RBM25: variants seen among roughly 807,000 people sequenced by gnomAD.
RBM25 encodes the protein RNA binding motif protein 25.
Under a neutral mutation model 120.7 loss-of-function variants are expected in RBM25, and 19 were observed. That is an observed-to-expected ratio of 0.16 (90% CI 0.11 to 0.23). The LOEUF is 0.23. Ranked by LOEUF, RBM25 falls within the 10% of genes least tolerant of loss-of-function variation. The pLI, the probability that RBM25 is intolerant of heterozygous loss-of-function variation, is 1.00. For missense variants in RBM25, 605 were observed against 1,041.5 expected, an observed-to-expected ratio of 0.58 and a Z score of 5.77; for synonymous variants, 390 against 326.7, an observed-to-expected ratio of 1.19 and a Z score of -2.09.
intron 16 of RBM25, 103 bp from the exon 17 acceptor site, chr14:73,112,049 T>G (rs1281219525): frequency 4.2e-6 from 5 of 1,186,104 alleles, no homozygotes; most frequent in Non-Finnish European, 6.1e-6. Flanking sequence ...GTTCAACTTG[T>G]GAAATAACAT....
intron 1 of RBM25, among the ~76,000 whole-genome samples, chr14:73,071,369 T>A (rs185829779): frequency 1.3e-3 from 203 of 152,240 alleles, no homozygotes; most frequent in Admixed American, 0.012. Flanking sequence ...AACCTCAAAA[T>A]TTTTTTCTTC....
At chr14:73,072,682 GT>G (rs1377392199) in intron 2 of RBM25, among the ~76,000 whole-genome samples, 1 of 152,170 alleles carries the variant, frequency 6.6e-6, no homozygotes, top group Admixed American at 6.6e-5. Context: ...GGGTGTGGTG[GT>G]GCGTGTCTGT....
chr14:73,091,400 G>C (rs1895810373), intron 6 of RBM25, among the ~76,000 whole-genome samples: 1 of 152,102 alleles, frequency 6.6e-6, no homozygotes, highest in South Asian at 2.1e-4. Flanking sequence ...TTTTTGTTGA[G>C]ATGAAGTTTC....
At chr14:73,110,032 G>A (rs1481613626) in intron 14 of RBM25, among the ~76,000 whole-genome samples, 1 of 151,394 alleles carries the variant, frequency 6.6e-6, no homozygotes, top group Non-Finnish European at 1.5e-5. Context: ...TTACAGGCAC[G>A]TGCCACCACT....
intron 18 of RBM25, among the ~76,000 whole-genome samples, chr14:73,116,009 C>G (rs1172618937): frequency 2.0e-5 from 3 of 151,896 alleles, no homozygotes; most frequent in Non-Finnish European, 4.4e-5. Flanking sequence ...AGACTAGATA[C>G]TTGCCAGATA....
chr14:73,105,038 T>TACACAC (rs57281649), intron 10 of RBM25, among the ~76,000 whole-genome samples: 3,040 of 141,178 alleles, frequency 0.022, 68 homozygotes, highest in African/African-American at 0.055. Context: ...ACATATTAAA[T>TACACAC]ACACACACAC....
intron 6 of RBM25, among the ~76,000 whole-genome samples, chr14:73,094,015 G>A (rs1216264816): frequency 2.8e-5 from 4 of 141,456 alleles, no homozygotes; most frequent in Non-Finnish European, 4.6e-5. Flanking sequence ...GCAGTGGCGC[G>A]ATCTCAGCTC....
At chr14:73,119,511 C>T (rs922590748) in intron 18 of RBM25, among the ~76,000 whole-genome samples, 10 of 152,060 alleles carry the variant, frequency 6.6e-5, no homozygotes, top group Non-Finnish European at 1.3e-4. Context: ...GTGATCCGCT[C>T]GCTTCGGCCT....
intron 8 of RBM25, 74 bp from the exon 9 acceptor site, chr14:73,099,593 T>A: frequency 3.2e-6 from 5 of 1,585,880 alleles, no homozygotes; most frequent in Non-Finnish European, 4.3e-6. Flanking sequence ...CTATACAGAA[T>A]ATCTAACCTT....
intron 2 of RBM25, among the ~76,000 whole-genome samples, 192 bp downstream of exon 2, chr14:73,071,939 T>G (rs745394057): frequency 4.7e-4 from 71 of 149,506 alleles, no homozygotes; most frequent in Admixed American, 9.3e-4. Context: ...CATCTGGAAA[T>G]TTTTTTTTTT....
At chr14:73,099,590 G>C in intron 8 of RBM25, 77 bp from the exon 9 acceptor site, 1 of 1,586,116 alleles carries the variant, frequency 6.3e-7, no homozygotes, top group African/African-American at 1.4e-5. Context: ...GACCTATACA[G>C]AATATCTAAC....
chr14:73,072,828 T>C (rs780741498), intron 2 of RBM25, among the ~76,000 whole-genome samples: 1 of 152,212 alleles, frequency 6.6e-6, no homozygotes, highest in Admixed American at 6.6e-5. Flanking sequence ...TTAAGAACAT[T>C]GCAGTTGGCT....
At chr14:73,094,629 C>T (rs1389716851) in intron 6 of RBM25, among the ~76,000 whole-genome samples, 2 of 151,972 alleles carry the variant, frequency 1.3e-5, no homozygotes, top group African/African-American at 4.8e-5. Flanking sequence ...GACGGGGTTT[C>T]ACCATGTTAG....
chr14:73,090,210 C>G (rs1049693466), intron 6 of RBM25, among the ~76,000 whole-genome samples: 2 of 152,046 alleles, frequency 1.3e-5, no homozygotes, highest in Non-Finnish European at 2.9e-5. Context: ...GCCACCACCC[C>G]CAGCTAATTT....
intron 18 of RBM25, among the ~76,000 whole-genome samples, chr14:73,116,298 A>G (rs1255872360): frequency 1.3e-5 from 2 of 152,198 alleles, no homozygotes; most frequent in Admixed American, 6.5e-5. Flanking sequence ...TGAGTAAGGA[A>G]GGAAAAATCA....
At chr14:73,110,498 G>A (rs1337406205) in intron 14 of RBM25, among the ~76,000 whole-genome samples, 1 of 151,046 alleles carries the variant, frequency 6.6e-6, no homozygotes, top group African/African-American at 2.4e-5. Flanking sequence ...GATTCTGCAA[G>A]GCTCACTGCA....
At chr14:73,080,867 C>G (rs1399140041) in intron 4 of RBM25, among the ~76,000 whole-genome samples, 1 of 150,282 alleles carries the variant, frequency 6.7e-6, no homozygotes, top group African/African-American at 2.5e-5. Context: ...CTCTGTTATC[C>G]AGGCTGGAGT....
rs1037500292 is a variant in RBM25 at position 73,121,116 on chromosome 14, C to G, written c.*1311C>G. The G allele has an allele frequency of 6.6e-6, 1 of 152,338 alleles. No homozygotes were observed. The highest frequency in any genetic ancestry group is 2.4e-5 in the African/African-American group (1 of 41,342). 9.4% of individuals were successfully genotyped at this position (152,338 alleles called of 1,614,324 possible). On this transcript the variant is annotated 3_prime_UTR_variant, in exon 19 of 19. Coordinates refer to ENST00000261973, the MANE Select transcript of RBM25 (RefSeq NM_021239.3). ...TTCACACAAATTAGATGCAACTGTTCCCATGTCTGAGTACTTATTTAAAAG... is the reference window on the plus strand; with the variant it reads ...TTCACACAAATTAGATGCAACTGTTGCCATGTCTGAGTACTTATTTAAAAG...
At chr14:73,115,532 A>G (rs963915618) in intron 18 of RBM25, among the ~76,000 whole-genome samples, 24 of 152,312 alleles carry the variant, frequency 1.6e-4, no homozygotes, top group African/African-American at 5.8e-4. Context: ...AAGATTGTAC[A>G]TATGTGCTGC....
Sources: gnomAD v4.1 joint callset for allele counts (sites outside exome capture counted in the v4.1 genomes callset) on GRCh38, gnomAD v4.1.1 for gene constraint, MANE v1.5 for transcripts, NCBI Gene and HGNC (gene_info 2026-07-23, HGNC 2026-07-21) for gene names.